Variants in TSHZ3 observed in about 807,000 individuals in gnomAD.
The protein encoded by TSHZ3 is teashirt homolog 3.
TSHZ3 carries 10 observed loss-of-function variants against 64.5 expected under a neutral mutation model. That is an observed-to-expected ratio of 0.16 (90% CI 0.10 to 0.26). The LOEUF (loss-of-function observed/expected upper bound fraction) is 0.26, where lower values mean the gene tolerates loss of function less well. Among genes scored for constraint, TSHZ3 ranks in the 10% least tolerant of loss-of-function variants. The pLI is 1.00. For missense variants in TSHZ3, 1,242 were observed against 1,421.7 expected, an observed-to-expected ratio of 0.87 and a Z score of 2.03; for synonymous variants, 608 against 593.1, an observed-to-expected ratio of 1.03 and a Z score of -0.36.
intron 1 of TSHZ3, among the ~76,000 whole-genome samples, chr19:31,297,041 G>A (rs1976673986): frequency 6.6e-6 from 1 of 152,224 alleles, no homozygotes; most frequent in African/African-American, 2.4e-5. Context: ...TGGGAGGCTG[G>A]AAGGGTGTTG....
In TSHZ3 at chr19:31,277,282, C is replaced by T. The variant is rs1004554418; in HGVS notation, c.2511G>A (p.Ser837=). ...TSAVVSFMSN[S]PLRENALSDI... ...CTGACAAGGCATTCTCGCGTAGCGG[C>T]GAGTTTGACATGAATGATACGACGG... The change falls in exon 2 of 2, where the codon TCG becomes TCA. Residue 837 remains serine, a synonymous_variant. Coordinates refer to ENST00000240587, the MANE Select transcript of TSHZ3 (RefSeq NM_020856.4). The surrounding 1 kb of genome is among the most constrained non-coding windows in gnomAD (Gnocchi z 4.5). 8 of 1,613,932 alleles carry T rather than the reference C, an allele frequency of 5.0e-6. No individual in the cohort carries two copies. The highest frequency in any genetic ancestry group is 2.2e-5 in the South Asian group (2 of 91,078).
intron 5 of TSHZ3, among the ~76,000 whole-genome samples, chr19:31,200,289 AT>A (rs2145148764): frequency 6.6e-6 from 1 of 152,342 alleles, no homozygotes; most frequent in Admixed American, 6.5e-5. Context: ...TAGCAGCTTT[AT>A]TAATAATTGC....
At chr19:31,311,481 G>T (rs1278412572) in intron 1 of TSHZ3, among the ~76,000 whole-genome samples, 2 of 152,028 alleles carry the variant, frequency 1.3e-5, no homozygotes, top group African/African-American at 2.4e-5. Context: ...GACTGCACAG[G>T]GTTTGTTCCT....
rs759867080 is a variant in TSHZ3, at chr19:31,277,939, A to G, written c.1854T>C (p.Thr618=). The change falls in exon 2 of 2, where the codon ACT becomes ACC. Residue 618 remains threonine (T), a synonymous_variant. Coordinates refer to ENST00000240587, the MANE Select transcript of TSHZ3 (RefSeq NM_020856.4). The surrounding 1 kb of genome is among the most constrained non-coding windows in gnomAD (Gnocchi z 4.5). ...TCTCCTCCACTTTGGCAACTTTCTC[A>G]GTGACCTTTTTCACCAGCTCCTCCA... is the stretch of plus-strand genomic sequence containing the variant. ...HAMEELVKKV[T]EKVAKVEEKM... 5 of 1,614,100 alleles carry G rather than the reference A, an allele frequency of 3.1e-6. No individual in the cohort carries two copies. Among genetic ancestry groups the G allele is most frequent in the Non-Finnish European group, 3.4e-6 (4 of 1,180,024 alleles).
chr19:31,309,786 C>T (rs376012033), intron 1 of TSHZ3, among the ~76,000 whole-genome samples: 124 of 152,230 alleles, frequency 8.1e-4, no homozygotes, highest in Middle Eastern at 3.4e-3. Context: ...AGGAAGCTGT[C>T]GCCAGCTTTC....
intron 5 of TSHZ3, among the ~76,000 whole-genome samples, chr19:31,158,947 C>T (rs1188395998): frequency 6.6e-6 from 1 of 152,164 alleles, no homozygotes; most frequent in African/African-American, 2.4e-5. Context: ...ACACTTCACT[C>T]CTTCTCCCAT....
chr19:31,177,224 A>G (rs142976948), intron 5 of TSHZ3, among the ~76,000 whole-genome samples: 2 of 152,328 alleles, frequency 1.3e-5, no homozygotes, highest in East Asian at 1.9e-4. Flanking sequence ...ACAGTGGGTT[A>G]CTGTAGGCAT....
chr19:31,174,752 C>A (rs943341225), intron 5 of TSHZ3, among the ~76,000 whole-genome samples: 1 of 152,064 alleles, frequency 6.6e-6, no homozygotes, highest in African/African-American at 2.4e-5. Context: ...TTTGCTGAGG[C>A]AAGGTGACAT....
At chr19:31,302,531 A>G (rs1291272361) in intron 1 of TSHZ3, among the ~76,000 whole-genome samples, 1 of 152,186 alleles carries the variant, frequency 6.6e-6, no homozygotes, top group Non-Finnish European at 1.5e-5. Context: ...AAGAAATTCT[A>G]TATTCTGAAA....
At chr19:31,199,264 C>T (rs1278297843) in intron 5 of TSHZ3, among the ~76,000 whole-genome samples, 1 of 151,726 alleles carries the variant, frequency 6.6e-6, no homozygotes, top group Admixed American at 6.6e-5. Context: ...ATTAGCTGGG[C>T]ATCGTGGCGG....
chr19:31,300,997 G>T (rs548217291), intron 1 of TSHZ3, among the ~76,000 whole-genome samples: 10 of 152,162 alleles, frequency 6.6e-5, no homozygotes, highest in Admixed American at 6.5e-4. Context: ...TACTTGAAGG[G>T]TCTCTGACAG....
At chr19:31,221,875 C>T (rs1975398381) in intron 4 of TSHZ3, among the ~76,000 whole-genome samples, 1 of 152,188 alleles carries the variant, frequency 6.6e-6, no homozygotes, top group Non-Finnish European at 1.5e-5. Context: ...TTACCTCGCC[C>T]TCTGTCTTGG....
intron 1 of TSHZ3, among the ~76,000 whole-genome samples, chr19:31,346,006 TTC>T (rs1175012943): frequency 1.3e-5 from 2 of 152,156 alleles, no homozygotes; most frequent in Non-Finnish European, 2.9e-5. Flanking sequence ...CCGCCCAGGT[TTC>T]TCTTTGGCAG....
intron 1 of TSHZ3, among the ~76,000 whole-genome samples, chr19:31,246,219 C>A (rs1423060410): frequency 6.6e-6 from 1 of 152,076 alleles, no homozygotes; most frequent in Non-Finnish European, 1.5e-5. Context: ...ATTCTAATTT[C>A]TGTGGGTGTA....
intron 4 of TSHZ3, among the ~76,000 whole-genome samples, chr19:31,221,410 T>G (rs560428891): frequency 6.6e-6 from 1 of 152,280 alleles, no homozygotes; most frequent in Non-Finnish European, 1.5e-5. Context: ...AGAAAACACA[T>G]GTCATAACTC....
intron 5 of TSHZ3, among the ~76,000 whole-genome samples, chr19:31,179,029 A>ATGACGAT (rs1974657577): frequency 6.6e-6 from 1 of 151,152 alleles, no homozygotes; most frequent in Non-Finnish European, 1.5e-5. Flanking sequence ...GATGATGATG[A>ATGACGAT]TGATGATGAT....
intron 1 of TSHZ3, among the ~76,000 whole-genome samples, chr19:31,310,206 A>G (rs2145153096): frequency 6.6e-6 from 1 of 151,836 alleles, no homozygotes; most frequent in South Asian, 2.1e-4. Context: ...TCTCTTCCCT[A>G]CTCTGGTCCC....
rs567408555 is a variant in TSHZ3, at chr19:31,226,051, G to A, written n.686+1954C>T. On this transcript the variant is annotated intron_variant and non_coding_transcript_variant, in intron 4 of 6. Coordinates refer to the TSHZ3 transcript ENST00000651361. ...CTGAGGCAGGAGAATCACTGGAATC[G>A]GGAGATGGAGGTTGCAGTGAGCCAA... Among the ~76,000 whole-genome samples, 5 of 151,874 alleles carry A rather than the reference G, an allele frequency of 3.3e-5. No homozygotes were observed. The South Asian group carries it at 1.0e-3, about 32-fold the overall frequency.
At chr19:31,231,625 T>C (rs868678378) in intron 3 of TSHZ3, among the ~76,000 whole-genome samples, 23 of 152,356 alleles carry the variant, frequency 1.5e-4, no homozygotes, top group Middle Eastern at 6.8e-3. Context: ...TTGCCTCTGA[T>C]TTATAAAACT....
Sources: allele counts gnomAD v4.1 joint callset (sites outside exome capture counted in the v4.1 genomes callset), GRCh38; gene constraint gnomAD v4.1.1; non-coding constraint Gnocchi (gnomAD v3.1); transcripts MANE v1.5; gene names NCBI Gene and HGNC (gene_info 2026-07-23, HGNC 2026-07-21).